Variants in PGM2L1 observed in about 807,000 individuals in gnomAD.
PGM2L1 encodes phosphoglucomutase 2 like 1.
PGM2L1 carries 35 observed loss-of-function variants against 73.4 expected under a neutral mutation model. That is an observed-to-expected ratio of 0.48 (90% CI 0.36 to 0.63). The LOEUF is 0.63. Among genes scored for constraint, PGM2L1 ranks in the 30% least tolerant of loss-of-function variants. The probability of loss-of-function intolerance (pLI) is 0.00; values close to 1 mark genes in which losing one functional copy is unlikely to be tolerated. For missense variants in PGM2L1, 570 were observed against 742.0 expected, an observed-to-expected ratio of 0.77 and a Z score of 2.69; for synonymous variants, 225 against 253.8, an observed-to-expected ratio of 0.89 and a Z score of 1.08.
At chr11:74,364,995 T>C (rs1159304941) in intron 5 of PGM2L1, among the ~76,000 whole-genome samples, 1 of 150,846 alleles carries the variant, frequency 6.6e-6, no homozygotes, top group Non-Finnish European at 1.5e-5. Context: ...CAAAACAGCA[T>C]GGTACTGGTA....
chr11:74,391,255 T>A (rs193289925), intron 1 of PGM2L1, among the ~76,000 whole-genome samples: 26 of 152,122 alleles, frequency 1.7e-4, no homozygotes, highest in African/African-American at 6.0e-4. Flanking sequence ...TTTTTTAATG[T>A]TGTTGACCAG....
At chr11:74,347,703 A>G (rs1181689282) in intron 6 of PGM2L1, among the ~76,000 whole-genome samples, 2 of 152,144 alleles carry the variant, frequency 1.3e-5, no homozygotes, top group Non-Finnish European at 2.9e-5. Flanking sequence ...CTTCACTTCC[A>G]GTTTAGATTG....
intron 6 of PGM2L1, 93 bp downstream of exon 6, chr11:74,351,290 T>C: frequency 8.1e-7 from 1 of 1,232,006 alleles, no homozygotes; most frequent in Non-Finnish European, 1.1e-6. Context: ...AATTTTAATC[T>C]AATAAATAGA....
intron 1 of PGM2L1, 194 bp downstream of exon 1, chr11:74,397,857 G>C: frequency 1.1e-6 from 1 of 919,456 alleles, no homozygotes; most frequent in Non-Finnish European, 1.5e-6. Flanking sequence ...AAGCGATGCA[G>C]ATGTTGCCGC....
At chr11:74,354,792 A>G in intron 5 of PGM2L1, 1 of 1,001,958 alleles carries the variant, frequency 1.0e-6, no homozygotes, top group Non-Finnish European at 1.6e-6. Flanking sequence ...AAGACCCTGA[A>G]GAACATCACC....
intron 5 of PGM2L1, among the ~76,000 whole-genome samples, chr11:74,352,695 T>G (rs1446019950): frequency 6.6e-6 from 1 of 152,052 alleles, no homozygotes; most frequent in Non-Finnish European, 1.5e-5. Context: ...TATAAACACC[T>G]CAAAATGCTA....
chr11:74,362,365 G>C (rs890539719), intron 5 of PGM2L1, among the ~76,000 whole-genome samples: 1 of 152,084 alleles, frequency 6.6e-6, no homozygotes, highest in African/African-American at 2.4e-5. Flanking sequence ...TCACCACCAG[G>C]CCTGCCCTAC....
intron 6 of PGM2L1, among the ~76,000 whole-genome samples, chr11:74,348,107 C>T (rs191812045): frequency 8.5e-5 from 13 of 152,228 alleles, no homozygotes; most frequent in African/African-American, 1.7e-4. Flanking sequence ...CTGATAATAA[C>T]GAGGAGGTGT....
Position 74,371,799 on chromosome 11 carries a change from CA to C in PGM2L1, c.297del (p.Glu100ArgfsTer22). Reference sequence around the variant, plus strand: ...TGCTTGAAGTCTGAGAAACATCTCTCAAGGTATTTGTACATCCCCTGAAGCA... The same window carrying C: ...TGCTTGAAGTCTGAGAAACATCTCTCAGGTATTTGTACATCCCCTGAAGCA... ...IQSTQGMYKY[L>X]ERCFSDFKQR... On this transcript the variant is annotated frameshift_variant, in exon 3 of 14. Coordinates refer to ENST00000298198, the MANE Select transcript of PGM2L1 (RefSeq NM_173582.6). LOFTEE classifies it high-confidence loss of function. 1 of 1,613,660 alleles carries C rather than the reference CA, an allele frequency of 6.2e-7. No individual in the cohort carries two copies. The highest frequency in any genetic ancestry group is 8.5e-7 in the Non-Finnish European group (1 of 1,179,674).
chr11:74,336,434 A>G lies in PGM2L1; in HGVS notation c.*218T>C. The G allele has an allele frequency of 3.0e-6, 1 of 338,630 alleles. No individual in the cohort carries two copies. 21.0% of individuals were successfully genotyped at this position (338,630 alleles called of 1,614,324 possible). A position where few individuals can be genotyped will look rare whatever the true frequency, so the allele number is the denominator to read the frequency against. On this transcript the variant is annotated 3_prime_UTR_variant, in exon 14 of 14. Transcript: ENST00000298198. ...TTTTAGTGTAATAACTTTTGTTTGA[A>G]TTATGAAAAAATTTGAATCATTTCC...
intron 5 of PGM2L1, among the ~76,000 whole-genome samples, chr11:74,360,257 G>T (rs1229609514): frequency 6.3e-5 from 7 of 111,138 alleles, no homozygotes; most frequent in Non-Finnish European, 9.1e-5. Flanking sequence ...TAAAATAAAA[G>T]AAAGAAAGAG....
intron 12 of PGM2L1, among the ~76,000 whole-genome samples, chr11:74,340,868 G>A (rs1471540328): frequency 6.6e-6 from 1 of 152,058 alleles, no homozygotes; most frequent in African/African-American, 2.4e-5. Flanking sequence ...GCTGAGGTAT[G>A]GGCCTGTAGA....
chr11:74,340,235 G>A (rs1188122238), intron 12 of PGM2L1, among the ~76,000 whole-genome samples: 2 of 152,152 alleles, frequency 1.3e-5, no homozygotes, highest in Non-Finnish European at 2.9e-5. Context: ...CTTGTTGTAA[G>A]AACCAGAAGA....
At position 74,331,620 on chromosome 11, in the gene PGM2L1, G is replaced by C. The variant is rs988864254; in HGVS notation, c.*5032C>G. The C allele has an allele frequency of 6.6e-6, 1 of 152,280 alleles. No homozygotes were observed. The highest frequency in any genetic ancestry group is 2.4e-5 in the African/African-American group (1 of 41,428). The allele number at this position is 152,280 out of a possible 1,614,324, so 9.4% of individuals were successfully genotyped here. On this transcript the variant is annotated 3_prime_UTR_variant, in exon 14 of 14. Coordinates refer to ENST00000298198, the MANE Select transcript of PGM2L1 (RefSeq NM_173582.6). ...TGTAGCTCAAGGACTTGCCTCCACT[G>C]GGGGTGAGGGCACTGGGGGAGAAAA... is the stretch of plus-strand genomic sequence containing the variant.
Position 74,331,830 on chromosome 11 carries a change from C to T in PGM2L1, c.*4822G>A, listed in dbSNP as rs1177750738. The T allele has an allele frequency of 1.3e-5, 2 of 152,260 alleles. No homozygotes were observed. The highest frequency in any genetic ancestry group is 1.5e-5 in the Non-Finnish European group (1 of 68,090). The allele number at this position is 152,260 out of a possible 1,614,324, so 9.4% of individuals were successfully genotyped here. On this transcript the variant is annotated 3_prime_UTR_variant, in exon 14 of 14. Transcript: ENST00000298198. ...TCTGATTTTGCTCTCAGAACCCCTT[C>T]CCCCTTCATCATGCCCCTCTGCTTT...
intron 10 of PGM2L1, 107 bp from the exon 11 acceptor site, chr11:74,343,121 A>G: frequency 2.1e-6 from 3 of 1,412,898 alleles, no homozygotes; most frequent in Non-Finnish European, 1.9e-6. Context: ...CTAGTAATAG[A>G]TGAAACTCAT....
At chr11:74,397,860 G>T (rs1253514888) in intron 1 of PGM2L1, 191 bp downstream of exon 1, 3 of 962,320 alleles carry the variant, frequency 3.1e-6, no homozygotes, top group Non-Finnish European at 4.2e-6. Flanking sequence ...CGATGCAGAT[G>T]TTGCCGCCCG....
intron 12 of PGM2L1, among the ~76,000 whole-genome samples, chr11:74,339,610 T>C (rs1208776930): frequency 6.6e-6 from 1 of 152,142 alleles, no homozygotes; most frequent in Non-Finnish European, 1.5e-5. Flanking sequence ...TCCAGTTCTT[T>C]CCATCACTGC....
At chr11:74,384,613 G>T (rs1035161016) in intron 1 of PGM2L1, among the ~76,000 whole-genome samples, 2 of 151,778 alleles carry the variant, frequency 1.3e-5, no homozygotes, top group Non-Finnish European at 2.9e-5. Flanking sequence ...TTATTAGTAG[G>T]AATAATTTGG....
Sources: allele counts gnomAD v4.1 joint callset (sites outside exome capture counted in the v4.1 genomes callset), GRCh38; gene constraint gnomAD v4.1.1; transcripts MANE v1.5; gene names NCBI Gene and HGNC (gene_info 2026-07-23, HGNC 2026-07-21).